The following PELP1 variants were observed in gnomAD, a reference collection of about 807,000 sequenced individuals.
PELP1 encodes the protein proline-, glutamic acid- and leucine-rich protein 1.
Under a neutral mutation model 95.5 loss-of-function variants are expected in PELP1, and 32 were observed. That is an observed-to-expected ratio of 0.34 (90% confidence interval 0.25 to 0.45). The LOEUF is 0.45. PELP1 is among the 20% of genes least tolerant of loss of function. The pLI is 1.00. For synonymous variants in PELP1, 668 were observed against 600.1 expected, an observed-to-expected ratio of 1.11 and a Z score of -1.65; for missense variants, 1,358 against 1,444.8, an observed-to-expected ratio of 0.94 and a Z score of 0.97.
intron 1 of PELP1, among the ~76,000 whole-genome samples, chr17:4,699,547 A>G (rs1366851872): frequency 1.3e-5 from 2 of 152,170 alleles, no homozygotes; most frequent in African/African-American, 4.8e-5. Flanking sequence ...TTTGCCATAA[A>G]AGGAAGTACA....
intron 5 of PELP1, among the ~76,000 whole-genome samples, chr17:4,681,997 C>T (rs1259726708): frequency 1.3e-5 from 2 of 151,908 alleles, no homozygotes; most frequent in Non-Finnish European, 2.9e-5. Context: ...GACCCCCCTA[C>T]AAAAAATTTA....
At position 4,675,597 on chromosome 17, in the gene PELP1, C is replaced by A; in HGVS notation, c.1068+200G>T. 1.4e-6 allele frequency: 1 copy of A among 709,922 alleles called. No homozygotes were observed. The allele number at this position is 709,922 out of a possible 1,614,324, so 44.0% of individuals were successfully genotyped here. A position where few individuals can be genotyped will look rare whatever the true frequency, so the allele number is the denominator to read the frequency against. Reference sequence around the variant, plus strand: ...CAGCTGATCCCCAAATTCACCCTCCCCCAAGGAAGCATTTGCTACACTCTG... The same window carrying A: ...CAGCTGATCCCCAAATTCACCCTCCACCAAGGAAGCATTTGCTACACTCTG... On this transcript the variant is annotated intron_variant, in intron 9 of 16. Coordinates refer to ENST00000572293, the MANE Select transcript of PELP1 (RefSeq NM_014389.3). This position sits in a 1 kb window ranked among gnomAD's most constrained non-coding sequence, Gnocchi z 4.3.
chr17:4,677,642 G>T (rs1001849323), intron 5 of PELP1, among the ~76,000 whole-genome samples: 2 of 152,162 alleles, frequency 1.3e-5, no homozygotes. Flanking sequence ...CAATAAAAAA[G>T]CACAGGCTGG....
chr17:4,692,597 C>T (rs1003438789), intron 1 of PELP1, among the ~76,000 whole-genome samples: 6 of 152,072 alleles, frequency 3.9e-5, no homozygotes, highest in East Asian at 1.9e-4. Context: ...CATAGTATAT[C>T]AGAGGGTGCT....
At chr17:4,674,440 G>A (rs1912365691) in intron 13 of PELP1, 70 bp downstream of exon 13, 16 of 1,403,136 alleles carry the variant, frequency 1.1e-5, no homozygotes, top group South Asian at 2.4e-5. Flanking sequence ...AGTAGGTAGG[G>A]GAGTCCCACT....
intron 3 of PELP1, among the ~76,000 whole-genome samples, chr17:4,683,462 G>A (rs1433216159): frequency 2.0e-4 from 30 of 149,622 alleles, no homozygotes; most frequent in Non-Finnish European, 2.7e-4. Context: ...CTCGTGATCT[G>A]CCCGCCTTGG....
rs996915997 is a variant in PELP1 at position 4,676,394 on chromosome 17, G to A, written c.816C>T (p.His272=). 6.2e-7 allele frequency: 1 copy of A among 1,613,108 alleles called. No homozygotes were observed. Among genetic ancestry groups the A allele is most frequent in the Non-Finnish European group, 8.5e-7 (1 of 1,179,678 alleles). The change falls in exon 7 of 17, where the codon CAC becomes CAT. Residue 272 remains histidine, a synonymous_variant. Transcript: ENST00000572293. ...QELHSLLASL[H]TLLGALYEGA... is the part of the protein sequence containing the mutation. The stretch of plus-strand genomic sequence containing the variant: ...CCTCGTACAGGGCCCCCAGCAGGGT[G>A]TGCAGTGAGGCCAGCAGACTGTGTA...
chr17:4,674,993 G>C (rs1912398812), intron 11 of PELP1, 37 bp from the exon 12 acceptor site: 1 of 1,605,206 alleles, frequency 6.2e-7, no homozygotes, highest in African/African-American at 1.3e-5. Flanking sequence ...ATGAATGGGG[G>C]GTCAACATGC....
At chr17:4,702,442 T>TA (rs531108705) in intron 1 of PELP1, among the ~76,000 whole-genome samples, 52 of 152,242 alleles carry the variant, frequency 3.4e-4, no homozygotes, top group Non-Finnish European at 5.9e-4. Context: ...ATTCTGGGAC[T>TA]ATTGTGAGAT....
chr17:4,676,562 AC>A, intron 6 of PELP1, 55 bp from the exon 7 acceptor site: 5 of 1,597,964 alleles, frequency 3.1e-6, no homozygotes, highest in Non-Finnish European at 3.4e-6. Flanking sequence ...CAGCCACAGA[AC>A]CCCCAGCCCC....
Position 4,673,628 on chromosome 17 carries a change from C to T in PELP1, c.1629G>A (p.Glu543=), listed in dbSNP as rs774839022. Residue 543 remains glutamate (E), a synonymous_variant, in exon 14 of 17, where the codon GAG becomes GAA. Transcript: ENST00000572293. This position sits in a 1 kb window ranked among gnomAD's most constrained non-coding sequence, Gnocchi z 5.7. ...ACGAGGCTCCACTAACCCTGTGAGT[C>T]TCCTCCTTGATGAGAGGCCCACACA... ...ILMCGPLIKE[E]THRRLHDLVL... is the part of the protein sequence containing the mutation. 4.6e-5 allele frequency: 74 copies of T among 1,613,764 alleles called. No individual in the cohort carries two copies. Among genetic ancestry groups the T allele is most frequent in the Non-Finnish European group, 5.8e-5 (69 of 1,179,790 alleles).
In PELP1 at chr17:4,671,433, A is replaced by T. The variant is rs563761032; in HGVS notation, c.*6T>A. 1.1e-5 allele frequency: 15 copies of T among 1,350,556 alleles called. No individual in the cohort carries two copies. Among genetic ancestry groups the T allele is most frequent in the Admixed American group, 1.0e-4 (6 of 59,636 alleles). The allele number at this position is 1,350,556 out of a possible 1,614,324, so 83.7% of individuals were successfully genotyped here. ...TTGGAAACAAAGAGTGGGGTGCAGAAGATGGCTAGGAGTCAGGCTCTGTGG... is the reference window on the plus strand; with the variant it reads ...TTGGAAACAAAGAGTGGGGTGCAGATGATGGCTAGGAGTCAGGCTCTGTGG... On this transcript the variant is annotated 3_prime_UTR_variant, in exon 17 of 17. Coordinates refer to ENST00000572293, the MANE Select transcript of PELP1 (RefSeq NM_014389.3).
In PELP1 at chr17:4,672,565, G is replaced by A. The variant is rs1438749312; in HGVS notation, c.2426C>T (p.Pro809Leu). The A allele has an allele frequency of 3.2e-6, 5 of 1,579,550 alleles. No homozygotes were observed. Among genetic ancestry groups the A allele is most frequent in the African/African-American group, 1.3e-5 (1 of 74,114 alleles). Residue 809 changes from proline (P) to leucine (L), a missense_variant, in exon 16 of 17, where the codon CCC (proline) becomes CTC (leucine). Transcript: ENST00000572293. Reference protein sequence around the residue: ...PPPPPSGATPPPIAPTGPPTA... With the variant: ...PPPPPSGATPLPIAPTGPPTA... ...TGGTGGCCCAGTGGGGGCTATAGGG[G>A]GTGGTGTGGCACCTGAGGGTGGTGG...
intron 1 of PELP1, chr17:4,691,691 C>T (rs1913108289): frequency 2.0e-6 from 1 of 507,100 alleles, no homozygotes; most frequent in African/African-American, 1.9e-5. Flanking sequence ...CAAGTAGTGC[C>T]AAACACAGGA....
At chr17:4,683,282 G>A (rs1420308688) in intron 3 of PELP1, among the ~76,000 whole-genome samples, 6 of 149,600 alleles carry the variant, frequency 4.0e-5, no homozygotes, top group Admixed American at 1.3e-4. Context: ...GTGCAGTGGC[G>A]CGATCTCGGC....
intron 13 of PELP1, among the ~76,000 whole-genome samples, chr17:4,674,208 G>A (rs886165201): frequency 1.6e-4 from 25 of 152,230 alleles, no homozygotes; most frequent in African/African-American, 4.6e-4. Flanking sequence ...GGGCTGTGTC[G>A]GCTACCAGAG....
intron 5 of PELP1, among the ~76,000 whole-genome samples, chr17:4,679,228 AT>A (rs1912608458): frequency 6.6e-6 from 1 of 152,026 alleles, no homozygotes. Flanking sequence ...GGGTTTCACC[AT>A]GTTGGCCAGG....
chr17:4,675,436 G>A lies in PELP1; in HGVS notation c.1069-74C>T. The A allele has an allele frequency of 1.0e-6, 1 of 974,482 alleles. No homozygotes were observed. The highest frequency in any genetic ancestry group is 1.4e-5 in the South Asian group (1 of 72,158). 60.4% of individuals were successfully genotyped at this position (974,482 alleles called of 1,614,324 possible). A position where few individuals can be genotyped will look rare whatever the true frequency, so the allele number is the denominator to read the frequency against. On this transcript the variant is annotated intron_variant, in intron 9 of 16. Coordinates refer to ENST00000572293, the MANE Select transcript of PELP1 (RefSeq NM_014389.3). This position sits in a 1 kb window ranked among gnomAD's most constrained non-coding sequence, Gnocchi z 4.3. ...CCAGAGAGAGACAGAAACAGGGAAT[G>A]ACCATTTACATATGTACACATAGGT...
At chr17:4,683,983 T>C (rs946632536) in intron 3 of PELP1, among the ~76,000 whole-genome samples, 1 of 151,820 alleles carries the variant, frequency 6.6e-6, no homozygotes, top group African/African-American at 2.4e-5. Context: ...GAAGAGCACT[T>C]TTCAGACTGA....
Sources: gnomAD v4.1 joint callset for allele counts (sites outside exome capture counted in the v4.1 genomes callset) on GRCh38, gnomAD v4.1.1 for gene constraint, Gnocchi (gnomAD v3.1) non-coding constraint, MANE v1.5 for transcripts, NCBI Gene and HGNC (gene_info 2026-07-23, HGNC 2026-07-21) for gene names.